UBE3A: variants seen among roughly 807,000 people sequenced by gnomAD.
The protein encoded by UBE3A is ubiquitin protein ligase E3A.
A neutral mutation model predicts 83.4 loss-of-function variants in UBE3A; 6 were observed. The ratio of observed to expected loss-of-function variants is 0.07; its 90% CI spans 0.04 to 0.14. The LOEUF (loss-of-function observed/expected upper bound fraction) is 0.14, where lower values mean the gene tolerates loss of function less well. Ranked by LOEUF, UBE3A falls within the 10% of genes least tolerant of loss-of-function variation. UBE3A has a pLI of 1.00. For synonymous variants in UBE3A, 337 were observed against 355.4 expected, an observed-to-expected ratio of 0.95 and a Z score of 0.58; for missense variants, 456 against 1,036.1, an observed-to-expected ratio of 0.44 and a Z score of 7.69.
chr15:25,367,740 T>A (rs1294262328), intron 6 of UBE3A, among the ~76,000 whole-genome samples: 2 of 152,116 alleles, frequency 1.3e-5, no homozygotes, highest in Non-Finnish European at 2.9e-5. Flanking sequence ...AATTCTTCTC[T>A]TGTCATCAAA....
chr15:25,414,619 T>C lies in UBE3A; in HGVS notation c.-164-2648A>G, dbSNP rs528440535. Reference sequence around the variant, plus strand: ...GAAAAACCCTGTGAGGTAATGATGGTAGCACTATCAGTCCAGCTGCTCAAA... The same window carrying C: ...GAAAAACCCTGTGAGGTAATGATGGCAGCACTATCAGTCCAGCTGCTCAAA... On this transcript the variant is annotated intron_variant, in intron 1 of 12. Coordinates refer to ENST00000648336, the MANE Select transcript of UBE3A (RefSeq NM_130839.5). Among the ~76,000 whole-genome samples, 3 of 152,338 alleles carry C rather than the reference T, an allele frequency of 2.0e-5. No homozygotes were observed. In the East Asian group the frequency reaches 5.8e-4, roughly 29 times the overall value.
At chr15:25,430,700 A>ACT (rs1893202991) in intron 1 of UBE3A, among the ~76,000 whole-genome samples, 1 of 152,140 alleles carries the variant, frequency 6.6e-6, no homozygotes, top group Admixed American at 6.6e-5. Context: ...AGTGCCTAAA[A>ACT]CTGTACATGA....
chr15:25,336,010 C>G lies in UBE3A; in HGVS notation c.*3127G>C, dbSNP rs1045245570. 6.6e-6 allele frequency: 1 copy of G among 152,150 alleles called. No homozygotes were observed. The highest frequency in any genetic ancestry group is 2.4e-5 in the African/African-American group (1 of 41,416). 9.4% of individuals were successfully genotyped at this position (152,150 alleles called of 1,614,324 possible). Reference sequence around the variant, plus strand: ...CGGTGAAACTACCATGCATTAGTAGCCTTTCACAGTGATATCTACCCCACA... The same window carrying G: ...CGGTGAAACTACCATGCATTAGTAGGCTTTCACAGTGATATCTACCCCACA... On this transcript the variant is annotated 3_prime_UTR_variant, in exon 13 of 13. Coordinates refer to ENST00000648336, the MANE Select transcript of UBE3A (RefSeq NM_130839.5).
In UBE3A at chr15:25,350,368, A is replaced by G. The variant is rs1021852156; in HGVS notation, c.2354+3985T>C. The stretch of plus-strand genomic sequence containing the variant: ...CCTGCACCCGCCAACACACACATAC[A>G]TCAAAAACCCTGAATTATTCATGGA... On this transcript the variant is annotated intron_variant, in intron 11 of 12. Transcript: ENST00000648336. Among the ~76,000 whole-genome samples the G allele has an allele frequency of 5.9e-5, 9 of 152,104 alleles. No homozygotes were observed. The East Asian group carries it at 1.7e-3, about 29-fold the overall frequency.
intron 1 of UBE3A, among the ~76,000 whole-genome samples, chr15:25,433,722 A>G (rs761158029): frequency 1.2e-4 from 18 of 152,248 alleles, no homozygotes; most frequent in Non-Finnish European, 2.4e-4. Context: ...ATTTTTAGGG[A>G]TATCAGTCAT....
Position 25,342,903 on chromosome 15 carries a change from G to C in UBE3A, c.2355-2675C>G, listed in dbSNP as rs113099333. On this transcript the variant is annotated intron_variant, in intron 11 of 12. Coordinates refer to ENST00000648336, the MANE Select transcript of UBE3A (RefSeq NM_130839.5). ...GGAAGGACTACAGAAAAGTACTTGG[G>C]TCCAGCAATGGCAGGCTCAGGAAGG... Among the ~76,000 whole-genome samples the C allele has an allele frequency of 2.0e-3, 309 of 152,242 alleles. 3 individuals are homozygous for C. The highest frequency in any genetic ancestry group is 7.1e-3 in the African/African-American group (296 of 41,538).
rs2073961586 is a variant in UBE3A at position 25,336,373 on chromosome 15, G to C, written c.*2764C>G. The C allele has an allele frequency of 6.6e-6, 1 of 152,160 alleles. No individual in the cohort carries two copies. The highest frequency in any genetic ancestry group is 1.5e-5 in the Non-Finnish European group (1 of 68,028). 9.4% of individuals were successfully genotyped at this position (152,160 alleles called of 1,614,324 possible). On this transcript the variant is annotated 3_prime_UTR_variant, in exon 13 of 13. Coordinates refer to ENST00000648336, the MANE Select transcript of UBE3A (RefSeq NM_130839.5). ...ATTTCTTCCTCTGACAGTTTGTATG[G>C]AATTCTTGAGAAAAATTCCTCGAAG... is the stretch of plus-strand genomic sequence containing the variant.
chr15:25,433,079 T>C (rs1596516524), intron 1 of UBE3A, among the ~76,000 whole-genome samples: 1 of 152,168 alleles, frequency 6.6e-6, no homozygotes, highest in East Asian at 1.9e-4. Flanking sequence ...TTTTGATTAA[T>C]ACACTGAATA....
chr15:25,398,002 A>C (rs1050781636), intron 4 of UBE3A, among the ~76,000 whole-genome samples: 4 of 151,984 alleles, frequency 2.6e-5, no homozygotes, highest in African/African-American at 9.7e-5. Context: ...ACTCATACTC[A>C]TATCTCCTTT....
intron 5 of UBE3A, among the ~76,000 whole-genome samples, chr15:25,372,787 TGA>T (rs2080507433): frequency 6.6e-6 from 1 of 152,160 alleles, no homozygotes; most frequent in Non-Finnish European, 1.5e-5. Context: ...ATTAACTACT[TGA>T]GAGGTTAATT....
At chr15:25,420,951 C>T (rs1171634863) in intron 1 of UBE3A, among the ~76,000 whole-genome samples, 1 of 152,204 alleles carries the variant, frequency 6.6e-6, no homozygotes, top group African/African-American at 2.4e-5. Context: ...GTGATATATG[C>T]ACACAATGAA....
intron 1 of UBE3A, chr15:25,421,812 A>T (rs1024933038): frequency 2.6e-5 from 4 of 152,172 alleles, no homozygotes; most frequent in Non-Finnish European, 5.9e-5. Context: ...GAGAACATCA[A>T]ATGCTGACAT....
At chr15:25,340,944 T>A (rs1230603608) in intron 11 of UBE3A, among the ~76,000 whole-genome samples, 1 of 152,148 alleles carries the variant, frequency 6.6e-6, no homozygotes, top group African/African-American at 2.4e-5. Context: ...ATAAAAGCTA[T>A]GTTTTAATGA....
rs2076914965 is a variant in UBE3A, at chr15:25,354,195, A to C, written c.2354+158T>G. On this transcript the variant is annotated intron_variant, in intron 11 of 12. Coordinates refer to ENST00000648336, the MANE Select transcript of UBE3A (RefSeq NM_130839.5). ...GAAATAAATCACAAGATTAGCTCTGAAAAATGGTGATTATATTACAAATAC... is the reference window on the plus strand; with the variant it reads ...GAAATAAATCACAAGATTAGCTCTGCAAAATGGTGATTATATTACAAATAC... The C allele has an allele frequency of 8.7e-6, 6 of 689,196 alleles. No individual in the cohort carries two copies. In the East Asian group the frequency reaches 1.6e-4, roughly 19 times the overall value. 42.7% of individuals were successfully genotyped at this position (689,196 alleles called of 1,614,324 possible). A position where few individuals can be genotyped will look rare whatever the true frequency, so the allele number is the denominator to read the frequency against.
At position 25,334,547 on chromosome 15, in the gene UBE3A, A is replaced by T. The variant is rs750521286; in HGVS notation, c.*4590T>A. 1.3e-5 allele frequency: 2 copies of T among 152,000 alleles called. No homozygotes were observed. 9.4% of individuals were successfully genotyped at this position (152,000 alleles called of 1,614,324 possible). On this transcript the variant is annotated 3_prime_UTR_variant, in exon 13 of 13. Transcript: ENST00000648336. ...CTGTTTTGCAGGAATTGACACAATG[A>T]TCATATAAAAATTCATATGCAATGC... is the stretch of plus-strand genomic sequence containing the variant.
chr15:25,387,790 C>G (rs1004042018), intron 4 of UBE3A, among the ~76,000 whole-genome samples: 1 of 152,074 alleles, frequency 6.6e-6, no homozygotes, highest in African/African-American at 2.4e-5. Context: ...GAGTGGACAT[C>G]ATTACAGATC....
In UBE3A at chr15:25,371,516, T is replaced by C; in HGVS notation, c.658A>G (p.Asn220Asp). The C allele has an allele frequency of 6.2e-7, 1 of 1,614,136 alleles. No individual in the cohort carries two copies. The highest frequency in any genetic ancestry group is 8.5e-7 in the Non-Finnish European group (1 of 1,180,018). ...RIGDSSQGDN[N>D]LQKLGPDDVS... is the part of the protein sequence containing the mutation. ...TCATCAGGGCCTAATTTTTGCAAAT[T>C]GTTGTCTCCCTGTGAGCTATCACCT... Residue 220 changes from asparagine (N) to aspartate (D), a missense_variant, in exon 6 of 13, where the codon AAT becomes GAT. Asn to Asp is a conservative substitution (Grantham distance 23). Around this residue, in one of 13 missense-constraint regions of UBE3A, gnomAD observed 42 missense variants for 41.8 expected, o/e 1.00. Coordinates refer to ENST00000648336, the MANE Select transcript of UBE3A (RefSeq NM_130839.5). The surrounding 1 kb of genome is among the most constrained non-coding windows in gnomAD (Gnocchi z 5.3).
In UBE3A at chr15:25,370,890, T is replaced by C; in HGVS notation, c.1284A>G (p.Glu428=). The change falls in exon 6 of 13, where the codon GAA becomes GAG. Residue 428 remains glutamate, a synonymous_variant. Transcript: ENST00000648336. This position sits in a 1 kb window ranked among gnomAD's most constrained non-coding sequence, Gnocchi z 4.2. ...KGPRVDPLET[E]LGVKTLDCRK... The stretch of plus-strand genomic sequence containing the variant: ...GACAATCCAGGGTTTTAACACCAAG[T>C]TCAGTTTCCAGGGGGTCCACTCGAG... 6.2e-7 allele frequency: 1 copy of C among 1,614,090 alleles called. No homozygotes were observed. The highest frequency in any genetic ancestry group is 8.5e-7 in the Non-Finnish European group (1 of 1,179,994).
Position 25,338,548 on chromosome 15 carries a change from A to G in UBE3A, c.*589T>C, listed in dbSNP as rs1343301104. On this transcript the variant is annotated 3_prime_UTR_variant, in exon 13 of 13. Transcript: ENST00000648336. ...TATTGATTGATTCTCAAGATTTTGC[A>G]CAGAAAACTCTTTGGGGGCTAGAAC... The G allele has an allele frequency of 1.3e-5, 2 of 152,070 alleles. No homozygotes were observed. The highest frequency in any genetic ancestry group is 1.3e-4 in the Admixed American group (2 of 15,270). 9.4% of individuals were successfully genotyped at this position (152,070 alleles called of 1,614,324 possible). A position where few individuals can be genotyped will look rare whatever the true frequency, so the allele number is the denominator to read the frequency against.
Sources: gnomAD v4.1 joint callset for allele counts (sites outside exome capture counted in the v4.1 genomes callset) on GRCh38, gnomAD v4.1.1 for gene constraint, gnomAD v4.1.1 regional missense constraint, Gnocchi (gnomAD v3.1) non-coding constraint, MANE v1.5 for transcripts, NCBI Gene and HGNC (gene_info 2026-07-23, HGNC 2026-07-21) for gene names.